The following TSNARE1 variants were observed in gnomAD, a reference collection of about 807,000 sequenced individuals.
The protein encoded by TSNARE1 is t-SNARE domain-containing protein 1.
In TSNARE1, 49 loss-of-function variants were observed where a neutral mutation model predicts 62.0. The ratio of observed to expected loss-of-function variants is 0.79; its 90% CI spans 0.63 to 1.00. The LOEUF is 1.00. Ranked by LOEUF, TSNARE1 falls within the 50% of genes least tolerant of loss-of-function variation. The pLI, the probability that TSNARE1 is intolerant of heterozygous loss-of-function variation, is 0.00. For synonymous variants in TSNARE1, 328 were observed against 294.4 expected, an observed-to-expected ratio of 1.11 and a Z score of -1.17; for missense variants, 755 against 700.1, an observed-to-expected ratio of 1.08 and a Z score of -0.88.
At chr8:142,276,491 C>A in intron 11 of TSNARE1, 1 of 985,480 alleles carries the variant, frequency 1.0e-6, no homozygotes, top group African/African-American at 1.7e-5. Flanking sequence ...AACAGCCTGG[C>A]CTCGCTTCTG....
chr8:142,380,447 C>G (rs1037590786), intron 1 of TSNARE1, among the ~76,000 whole-genome samples: 2 of 152,218 alleles, frequency 1.3e-5, no homozygotes, highest in African/African-American at 2.4e-5. Flanking sequence ...GCGGGCTGAA[C>G]TGCATGGAGG....
At chr8:142,222,743 C>T (rs201763566) in intron 13 of TSNARE1, among the ~76,000 whole-genome samples, 46,265 of 83,224 alleles carry the variant, frequency 0.56, 14,277 homozygotes, top group East Asian at 0.67. Context: ...CACTCACTCA[C>T]TCACTCATCC....
intron 12 of TSNARE1, among the ~76,000 whole-genome samples, chr8:142,259,671 C>T (rs1239751444): frequency 2.0e-5 from 3 of 152,202 alleles, no homozygotes; most frequent in Admixed American, 6.5e-5. Flanking sequence ...GACACAGGCC[C>T]ACGTCCCCCA....
At position 142,344,282 on chromosome 8, in the gene TSNARE1, G is replaced by A. The variant is rs746186911; in HGVS notation, c.429C>T (p.His143=). Residue 143 remains histidine, a synonymous_variant, in exon 4 of 14, where the codon CAC becomes CAT. Coordinates refer to ENST00000524325, the MANE Select transcript of TSNARE1 (RefSeq NM_145003.5). ...TEVLVSKVSK[H]HQLLFGTGLL... Reference sequence around the variant, plus strand: ...GCCCCGTGCCAAACAGCAGCTGGTGGTGCTTGCTCACCTTGGACACCAGCA... The same window carrying A: ...GCCCCGTGCCAAACAGCAGCTGGTGATGCTTGCTCACCTTGGACACCAGCA... 2.5e-6 allele frequency: 4 copies of A among 1,603,152 alleles called. No individual in the cohort carries two copies. The Admixed American group carries it at 6.7e-5, about 27-fold the overall frequency.
intron 1 of TSNARE1, among the ~76,000 whole-genome samples, chr8:142,392,968 AAAG>A (rs1347720178): frequency 6.6e-6 from 1 of 151,752 alleles, no homozygotes; most frequent in East Asian, 1.9e-4. Context: ...AAAAAGAAAG[AAAG>A]AAACTCACAA....
At chr8:142,294,958 C>T (rs1362726084) in intron 10 of TSNARE1, among the ~76,000 whole-genome samples, 8 of 152,194 alleles carry the variant, frequency 5.3e-5, no homozygotes, top group Non-Finnish European at 1.0e-4. Flanking sequence ...CTCACCTCCG[C>T]GGCACCTGGA....
intron 1 of TSNARE1, among the ~76,000 whole-genome samples, chr8:142,389,053 C>T (rs1161980791): frequency 6.6e-6 from 1 of 152,168 alleles, no homozygotes; most frequent in African/African-American, 2.4e-5. Flanking sequence ...TAAAAACAGA[C>T]AAACAGCCTA....
At chr8:142,392,947 G>GAAAA (rs374805854) in intron 1 of TSNARE1, among the ~76,000 whole-genome samples, 1 of 109,548 alleles carries the variant, frequency 9.1e-6, no homozygotes, top group Non-Finnish European at 2.0e-5. Context: ...AGGAGAAAAA[G>GAAAA]AAAAAAAAAA....
At chr8:142,256,189 ATCATCACCACCACCACTG>A (rs1818528260) in intron 12 of TSNARE1, among the ~76,000 whole-genome samples, 3 of 138,856 alleles carry the variant, frequency 2.2e-5, no homozygotes, top group Non-Finnish European at 4.7e-5. Flanking sequence ...CACCACCACC[ATCATCACCACCACCACTG>A]TCACCATCAC....
At chr8:142,346,802 G>C (rs1052733258) in intron 2 of TSNARE1, among the ~76,000 whole-genome samples, 5 of 152,254 alleles carry the variant, frequency 3.3e-5, no homozygotes, top group African/African-American at 1.2e-4. Context: ...TCTTGGAAAA[G>C]GCCCTTCATA....
rs1278043590 is a variant in TSNARE1 at position 142,229,425 on chromosome 8, G to A, written c.*11+48C>T. 3.5e-5 allele frequency: 49 copies of A among 1,412,936 alleles called. 1 individual carries two copies. The East Asian group carries it at 1.1e-3, about 33-fold the overall frequency. 87.5% of individuals were successfully genotyped at this position (1,412,936 alleles called of 1,614,324 possible). On this transcript the variant is annotated intron_variant, in intron 13 of 13. Transcript: ENST00000524325. ...TGGTGGATAGGTGAATGAATGGATG[G>A]TGGATGTGCAGATGAATGGATGGTG...
intron 1 of TSNARE1, among the ~76,000 whole-genome samples, chr8:142,364,294 T>C (rs1335033015): frequency 6.6e-6 from 1 of 152,202 alleles, no homozygotes; most frequent in Non-Finnish European, 1.5e-5. Context: ...ACTCCCGCGC[T>C]CACTCACCAA....
intron 10 of TSNARE1, among the ~76,000 whole-genome samples, chr8:142,293,505 G>T (rs965123991): frequency 3.3e-5 from 5 of 152,238 alleles, no homozygotes; most frequent in Non-Finnish European, 5.9e-5. Context: ...TTACAGATAA[G>T]TAAACCGAGG....
intron 12 of TSNARE1, chr8:142,274,265 G>T (rs1407721899): frequency 2.0e-6 from 2 of 985,334 alleles, no homozygotes; most frequent in African/African-American, 3.5e-5. Context: ...GACCTGTCAG[G>T]TCTTCTTGTG....
chr8:142,308,276 G>A (rs1827013788), intron 9 of TSNARE1, among the ~76,000 whole-genome samples: 1 of 152,144 alleles, frequency 6.6e-6, no homozygotes, highest in Non-Finnish European at 1.5e-5. Context: ...AGAAATACTT[G>A]TCCACCGTGA....
chr8:142,305,705 T>G (rs1215834298), intron 9 of TSNARE1, among the ~76,000 whole-genome samples: 1 of 152,144 alleles, frequency 6.6e-6, no homozygotes, highest in Non-Finnish European at 1.5e-5. Context: ...GGTCTTGAGC[T>G]CCGAGGCTGG....
At chr8:142,255,107 C>A (rs1415099234) in intron 12 of TSNARE1, among the ~76,000 whole-genome samples, 1 of 152,026 alleles carries the variant, frequency 6.6e-6, no homozygotes, top group Admixed American at 6.6e-5. Context: ...TACAGAGGCC[C>A]CCAGCGGCTG....
intron 11 of TSNARE1, chr8:142,275,278 G>A (rs1820272697): frequency 1.0e-6 from 1 of 985,338 alleles, no homozygotes; most frequent in African/African-American, 1.7e-5. Context: ...CTGTGGAGTT[G>A]CGACGCGGCT....
chr8:142,403,958 G>A (rs935571533), upstream of TSNARE1: 3 of 152,216 alleles, frequency 2.0e-5, no homozygotes, highest in Admixed American at 6.5e-5. Context: ...GACAATGGGT[G>A]TGTGTCCTTG....
Sources: gnomAD v4.1 joint callset for allele counts (sites outside exome capture counted in the v4.1 genomes callset) on GRCh38, gnomAD v4.1.1 for gene constraint, MANE v1.5 for transcripts, NCBI Gene and HGNC (gene_info 2026-07-23, HGNC 2026-07-21) for gene names.